The following GALNTL6 variants were observed in gnomAD, a reference collection of about 807,000 sequenced individuals.
GALNTL6 encodes the protein polypeptide N-acetylgalactosaminyltransferase-like 6.
Under a neutral mutation model 73.7 loss-of-function variants are expected in GALNTL6, and 46 were observed. That is an observed-to-expected ratio of 0.62 (90% CI 0.49 to 0.80). The LOEUF is 0.80. GALNTL6 is among the 30% of genes least tolerant of loss of function. The pLI, the probability that GALNTL6 is intolerant of heterozygous loss-of-function variation, is 0.00. For missense variants in GALNTL6, 604 were observed against 755.0 expected, an observed-to-expected ratio of 0.80 and a Z score of 2.34; for synonymous variants, 259 against 263.7, an observed-to-expected ratio of 0.98 and a Z score of 0.17.
intron 2 of GALNTL6, among the ~76,000 whole-genome samples, chr4:171,855,881 CAT>C (rs564223679): frequency 4.1e-4 from 62 of 152,310 alleles, no homozygotes; most frequent in African/African-American, 1.4e-3. Flanking sequence ...CATCTTGTCA[CAT>C]AAATTTTGCA....
chr4:173,035,744 G>A (rs951364182), intron 12 of GALNTL6, among the ~76,000 whole-genome samples: 5 of 152,092 alleles, frequency 3.3e-5, no homozygotes, highest in South Asian at 2.1e-4. Flanking sequence ...AAATCCTTTC[G>A]GTTAAAATGG....
chr4:172,281,909 TC>T (rs1445456009), intron 3 of GALNTL6, among the ~76,000 whole-genome samples: 2 of 152,088 alleles, frequency 1.3e-5, no homozygotes, highest in African/African-American at 4.8e-5. Flanking sequence ...AACAACTAAA[TC>T]TTGTGTTGCT....
chr4:171,865,048 A>C (rs1735933873), intron 2 of GALNTL6, among the ~76,000 whole-genome samples: 1 of 152,090 alleles, frequency 6.6e-6, no homozygotes, highest in Admixed American at 6.5e-5. Context: ...CAGAAGACTG[A>C]GGCAGTAGAA....
chr4:172,918,929 G>A (rs554888968), intron 8 of GALNTL6, among the ~76,000 whole-genome samples: 47 of 152,206 alleles, frequency 3.1e-4, no homozygotes, highest in African/African-American at 1.1e-3. Context: ...AAACCTTCAA[G>A]AGTTTCACAT....
At chr4:172,984,740 C>T (rs1751221639) in intron 10 of GALNTL6, among the ~76,000 whole-genome samples, 1 of 152,088 alleles carries the variant, frequency 6.6e-6, no homozygotes. Flanking sequence ...TATAAGAAAC[C>T]TGCACATGCA....
chr4:172,955,787 A>C (rs1217639780), intron 10 of GALNTL6, among the ~76,000 whole-genome samples: 1 of 149,962 alleles, frequency 6.7e-6, no homozygotes, highest in Non-Finnish European at 1.5e-5. Flanking sequence ...GTTTTATAGG[A>C]TTTGGGTAGG....
At chr4:171,997,378 G>A (rs143098626) in intron 2 of GALNTL6, among the ~76,000 whole-genome samples, 2,991 of 152,012 alleles carry the variant, frequency 0.02, 61 homozygotes, top group Non-Finnish European at 0.031. Context: ...CTTGATTTAC[G>A]ATGGGGTTAT....
chr4:172,283,898 T>C (rs2111084995), intron 3 of GALNTL6, among the ~76,000 whole-genome samples: 2 of 152,240 alleles, frequency 1.3e-5, no homozygotes, highest in African/African-American at 4.8e-5. Context: ...TTATAATTTA[T>C]AGTGACTAAA....
At chr4:172,994,807 A>G (rs919251968) in intron 10 of GALNTL6, among the ~76,000 whole-genome samples, 2 of 152,154 alleles carry the variant, frequency 1.3e-5, no homozygotes, top group Non-Finnish European at 2.9e-5. Context: ...TTTTGCTGCC[A>G]TCCTGTCCAG....
In GALNTL6 at chr4:172,184,773, A is replaced by T. The variant is rs973026980; in HGVS notation, c.139-44883A>T. On this transcript the variant is annotated intron_variant, in intron 2 of 12. Coordinates refer to ENST00000506823, the MANE Select transcript of GALNTL6 (RefSeq NM_001034845.3). ...ACAGAAATTCATTTCCTCACAATTC[A>T]AGATCGAGGGATTGGCATTGTTGAA... 2.6e-5 allele frequency among the ~76,000 whole-genome samples: 4 copies of T among 152,170 alleles called. No homozygotes were observed. In the East Asian group the frequency reaches 7.7e-4, roughly 29 times the overall value.
At chr4:172,468,237 C>T (rs570107853) in intron 5 of GALNTL6, among the ~76,000 whole-genome samples, 5 of 152,180 alleles carry the variant, frequency 3.3e-5, no homozygotes, top group Non-Finnish European at 5.9e-5. Context: ...TGAATTCCAC[C>T]TTACTATGAC....
At chr4:172,927,703 A>C (rs1024036393) in intron 8 of GALNTL6, among the ~76,000 whole-genome samples, 1 of 152,184 alleles carries the variant, frequency 6.6e-6, no homozygotes, top group Non-Finnish European at 1.5e-5. Context: ...TACCCAATGC[A>C]TGACATCTCA....
At chr4:172,206,155 C>T (rs1052745499) in intron 2 of GALNTL6, among the ~76,000 whole-genome samples, 21 of 152,118 alleles carry the variant, frequency 1.4e-4, no homozygotes, top group South Asian at 4.1e-4. Context: ...AAACATCCTC[C>T]GCTCTTCCAG....
chr4:172,738,597 G>A (rs967946774), intron 5 of GALNTL6, among the ~76,000 whole-genome samples: 2 of 64,552 alleles, frequency 3.1e-5, no homozygotes, highest in Middle Eastern at 0.012. Flanking sequence ...ATTTTAAAAC[G>A]TGTCAATGAA....
chr4:172,458,629 G>A (rs776794132), intron 5 of GALNTL6, among the ~76,000 whole-genome samples: 9 of 152,124 alleles, frequency 5.9e-5, no homozygotes, highest in East Asian at 1.9e-4. Context: ...AGAGGAATTG[G>A]ATAAATTCCT....
chr4:172,970,101 T>C (rs765792015), intron 10 of GALNTL6, among the ~76,000 whole-genome samples: 2 of 152,118 alleles, frequency 1.3e-5, no homozygotes. Flanking sequence ...AAAGATCACA[T>C]GCTTCAAAGG....
At chr4:173,014,764 G>A (rs1183130773) in intron 11 of GALNTL6, among the ~76,000 whole-genome samples, 1 of 152,184 alleles carries the variant, frequency 6.6e-6, no homozygotes, top group Admixed American at 6.5e-5. Context: ...CAAGAGATAA[G>A]TGTATTGGCA....
chr4:172,094,040 C>A (rs1406216291), intron 2 of GALNTL6, among the ~76,000 whole-genome samples: 1 of 152,150 alleles, frequency 6.6e-6, no homozygotes, highest in Non-Finnish European at 1.5e-5. Flanking sequence ...GTCCCTGGTG[C>A]CAAAAAGGTT....
intron 5 of GALNTL6, among the ~76,000 whole-genome samples, chr4:172,775,893 A>T (rs1365755776): frequency 6.6e-6 from 1 of 152,132 alleles, no homozygotes; most frequent in African/African-American, 2.4e-5. Flanking sequence ...GCCTCTAGGA[A>T]CTGTGCTTGC....
Sources: gnomAD v4.1 joint callset for allele counts (sites outside exome capture counted in the v4.1 genomes callset) on GRCh38, gnomAD v4.1.1 for gene constraint, MANE v1.5 for transcripts, NCBI Gene and HGNC (gene_info 2026-07-23, HGNC 2026-07-21) for gene names.